The following ANKRD13A variants were observed in gnomAD, a reference collection of about 807,000 sequenced individuals.
ANKRD13A encodes the protein ankyrin repeat domain-containing protein 13A.
In ANKRD13A, 48 loss-of-function variants were observed where a neutral mutation model predicts 81.3. That is an observed-to-expected ratio of 0.59 (90% confidence interval 0.47 to 0.75). The LOEUF is 0.75. ANKRD13A is among the 30% of genes least tolerant of loss of function. ANKRD13A has a pLI of 0.00. For missense variants in ANKRD13A, 612 were observed against 734.0 expected (o/e 0.83, Z 1.92); for synonymous variants, 230 against 270.1 (o/e 0.85, Z 1.45).
chr12:110,016,355 G>A, intron 3 of ANKRD13A, 33 bp from the exon 4 acceptor site: 1 of 1,547,326 alleles, frequency 6.5e-7, no homozygotes, highest in Non-Finnish European at 8.8e-7. Context: ...AGTGCCAAGG[G>A]TAATCTGTTT....
intron 9 of ANKRD13A, 179 bp from the exon 10 acceptor site, chr12:110,028,333 C>T: frequency 1.8e-6 from 1 of 557,250 alleles, no homozygotes; most frequent in Non-Finnish European, 3.1e-6. Context: ...ATCCATTACA[C>T]TTCCTGTGTA....
chr12:110,036,051 T>C lies in ANKRD13A; in HGVS notation c.1510-210T>C, dbSNP rs1288274748. Reference sequence around the variant, plus strand: ...TTTTGTACAAAGGATGAGAAGGTTGTGGCTGTGAGTTAGGCTGTGGCATGT... The same window carrying C: ...TTTTGTACAAAGGATGAGAAGGTTGCGGCTGTGAGTTAGGCTGTGGCATGT... On this transcript the variant is annotated intron_variant, in intron 13 of 14. Transcript: ENST00000261739. The surrounding 1 kb of genome is among the most constrained non-coding windows in gnomAD (Gnocchi z 4.6). 3.4e-4 allele frequency among the ~76,000 whole-genome samples: 51 copies of C among 152,154 alleles called. No homozygotes were observed. The highest frequency in any genetic ancestry group is 1.5e-5 in the Non-Finnish European group (1 of 68,042).
intron 4 of ANKRD13A, among the ~76,000 whole-genome samples, chr12:110,017,803 G>A (rs1890866960): frequency 6.6e-6 from 1 of 152,080 alleles, no homozygotes; most frequent in African/African-American, 2.4e-5. Context: ...ATGATGGTGG[G>A]TGCCTGTAAT....
chr12:110,006,303 C>A (rs1890238779), intron 1 of ANKRD13A, among the ~76,000 whole-genome samples: 1 of 152,208 alleles, frequency 6.6e-6, no homozygotes, highest in Admixed American at 6.5e-5. Context: ...TTCTTCACAT[C>A]CTTGTCAACA....
At position 110,039,065 on chromosome 12, in the gene ANKRD13A, T is replaced by A. The variant is rs1227914163; in HGVS notation, c.*1511T>A. On this transcript the variant is annotated 3_prime_UTR_variant, in exon 15 of 15. Transcript: ENST00000261739. ...CTTTTAATTCCATTTCACAATCTGT[T>A]TTGTTTTTTTTTTTTGTCATTGTCT... 6.8e-6 allele frequency: 1 copy of A among 146,910 alleles called. No individual in the cohort carries two copies. The highest frequency in any genetic ancestry group is 1.5e-5 in the Non-Finnish European group (1 of 67,522). 9.1% of individuals were successfully genotyped at this position (146,910 alleles called of 1,614,324 possible). A position where few individuals can be genotyped will look rare whatever the true frequency, so the allele number is the denominator to read the frequency against.
Position 110,019,180 on chromosome 12 carries a change from G to A in ANKRD13A, c.586G>A (p.Val196Met). The A allele has an allele frequency of 6.2e-7, 1 of 1,608,974 alleles. No individual in the cohort carries two copies. The highest frequency in any genetic ancestry group is 8.5e-7 in the Non-Finnish European group (1 of 1,176,932). ...AATGGAAGTCAACCATGATGACAAAGTGGTCACCACCGAACGCTTCGACCT... is the reference window on the plus strand; with the variant it reads ...AATGGAAGTCAACCATGATGACAAAATGGTCACCACCGAACGCTTCGACCT... ...ELMEVNHDDK[V>M]VTTERFDLSQ... The change falls in exon 6 of 15, where the codon GTG becomes ATG. Residue 196 changes from valine to methionine, a missense_variant. By Grantham distance (21) the Val-to-Met change is conservative (BLOSUM62 1). Coordinates refer to ENST00000261739, the MANE Select transcript of ANKRD13A (RefSeq NM_033121.2).
chr12:110,024,510 TCAG>T (rs770757756), intron 7 of ANKRD13A, among the ~76,000 whole-genome samples: 2 of 152,206 alleles, frequency 1.3e-5, no homozygotes, highest in Non-Finnish European at 2.9e-5. Flanking sequence ...TTAATTGTAA[TCAG>T]CAGGCGCACA....
In ANKRD13A at chr12:110,037,877, G is replaced by A. The variant is rs1014726044; in HGVS notation, c.*323G>A. 1 of 193,618 alleles carries A rather than the reference G, an allele frequency of 5.2e-6. No homozygotes were observed. Among genetic ancestry groups the A allele is most frequent in the African/African-American group, 2.3e-5 (1 of 42,902 alleles). 12.0% of individuals were successfully genotyped at this position (193,618 alleles called of 1,614,324 possible). On this transcript the variant is annotated 3_prime_UTR_variant, in exon 15 of 15. Coordinates refer to ENST00000261739, the MANE Select transcript of ANKRD13A (RefSeq NM_033121.2). ...ACAAAACCCCAATCCCCGCAGGTTT[G>A]TAGATAAATTTTTATCAAGGAGTGA...
intron 3 of ANKRD13A, among the ~76,000 whole-genome samples, chr12:110,014,542 C>T (rs1052087301): frequency 3.9e-5 from 6 of 152,210 alleles, no homozygotes; most frequent in African/African-American, 1.2e-4. Flanking sequence ...AAATGACCTG[C>T]GTACTTAGTG....
At chr12:110,016,263 A>G in intron 3 of ANKRD13A, 125 bp from the exon 4 acceptor site, 1 of 722,244 alleles carries the variant, frequency 1.4e-6, no homozygotes, top group Non-Finnish European at 2.0e-6. Flanking sequence ...CTTACATTTT[A>G]TTTCTTCTTA....
chr12:110,013,724 C>A (rs568085288), intron 3 of ANKRD13A, among the ~76,000 whole-genome samples: 2 of 152,064 alleles, frequency 1.3e-5, no homozygotes, highest in Admixed American at 1.3e-4. Context: ...TGAGCCACCC[C>A]TGAGTGAGGG....
At position 110,036,383 on chromosome 12, in the gene ANKRD13A, A is replaced by G. The variant is rs1163691090; in HGVS notation, c.1577+55A>G. 2 of 1,561,288 alleles carry G rather than the reference A, an allele frequency of 1.3e-6. No homozygotes were observed. The highest frequency in any genetic ancestry group is 1.4e-5 in the African/African-American group (1 of 73,684). On this transcript the variant is annotated intron_variant, in intron 14 of 14. Coordinates refer to ENST00000261739, the MANE Select transcript of ANKRD13A (RefSeq NM_033121.2). The surrounding 1 kb of genome is among the most constrained non-coding windows in gnomAD (Gnocchi z 4.6). ...CCAGGGTGAACACAGGCCTGGACAC[A>G]GGCGAGCAGACGCGTGGCACTGTGC...
rs1889845024 is a variant in ANKRD13A at position 109,999,727 on chromosome 12, G to A, written c.39G>A (p.Leu13=). 1 of 1,536,456 alleles carries A rather than the reference G, an allele frequency of 6.5e-7. No individual in the cohort carries two copies. The change falls in exon 1 of 15, where the codon CTG becomes CTA. Residue 13 remains leucine (L), a synonymous_variant. Transcript: ENST00000261739. The surrounding 1 kb of genome is among the most constrained non-coding windows in gnomAD (Gnocchi z 4.3). ...SACDAGDHYP[L]HLLVWKNDYR... ...GCGACGCGGGCGACCACTACCCCCT[G>A]CACCTCCTAGTCTGGAAAAACGACT...
At chr12:110,008,563 G>A (rs1890354034) in intron 1 of ANKRD13A, among the ~76,000 whole-genome samples, 1 of 152,084 alleles carries the variant, frequency 6.6e-6, no homozygotes, top group Admixed American at 6.6e-5. Flanking sequence ...TGAAACATTG[G>A]TATTAATTCT....
chr12:110,007,270 A>G (rs1890287097), intron 1 of ANKRD13A, among the ~76,000 whole-genome samples: 1 of 152,234 alleles, frequency 6.6e-6, no homozygotes, highest in Non-Finnish European at 1.5e-5. Flanking sequence ...AATTGAATCT[A>G]TACCTCAGTT....
intron 1 of ANKRD13A, among the ~76,000 whole-genome samples, chr12:110,000,711 C>T (rs965590850): frequency 2.6e-5 from 4 of 151,528 alleles, no homozygotes; most frequent in African/African-American, 2.4e-5. Flanking sequence ...CCCCCAAAGC[C>T]GACAGCGTCT....
At chr12:110,000,884 AG>A (rs934966728) in intron 1 of ANKRD13A, among the ~76,000 whole-genome samples, 5 of 150,894 alleles carry the variant, frequency 3.3e-5, no homozygotes, top group Non-Finnish European at 1.5e-5. Flanking sequence ...CAGCCCCCCA[AG>A]TAACTGAGAT....
intron 6 of ANKRD13A, among the ~76,000 whole-genome samples, chr12:110,019,617 C>G (rs1316316009): frequency 6.6e-6 from 1 of 152,160 alleles, no homozygotes; most frequent in Non-Finnish European, 1.5e-5. Context: ...GTGGATTTTA[C>G]TTGAATCCTA....
At chr12:110,030,372 G>T (rs1408495118) in intron 11 of ANKRD13A, among the ~76,000 whole-genome samples, 1 of 151,964 alleles carries the variant, frequency 6.6e-6, no homozygotes, top group East Asian at 1.9e-4. Flanking sequence ...TTATCATGTT[G>T]GTTAGGCTGG....
Sources: allele counts gnomAD v4.1 joint callset (sites outside exome capture counted in the v4.1 genomes callset), GRCh38; gene constraint gnomAD v4.1.1; non-coding constraint Gnocchi (gnomAD v3.1); transcripts MANE v1.5; gene names NCBI Gene and HGNC (gene_info 2026-07-23, HGNC 2026-07-21).